Variants in GALNT16 observed in about 807,000 individuals in gnomAD.
GALNT16 encodes UDP-GalNAc:polypeptide N-acetylgalactosaminyltransferase-like protein 1.
A neutral mutation model predicts 76.1 loss-of-function variants in GALNT16; 40 were observed. The observed-to-expected ratio is 0.53, with a 90% CI of 0.41 to 0.68. GALNT16 has a LOEUF of 0.68. Among genes scored for constraint, GALNT16 ranks in the 30% least tolerant of loss-of-function variants. The pLI, the probability that GALNT16 is intolerant of heterozygous loss-of-function variation, is 0.00. For synonymous variants in GALNT16, 276 were observed against 285.2 expected (o/e 0.97, Z 0.32); for missense variants, 621 against 731.9 (o/e 0.85, Z 1.75).
At chr14:69,294,601 C>T (rs1224987445) in intron 1 of GALNT16, among the ~76,000 whole-genome samples, 2 of 152,150 alleles carry the variant, frequency 1.3e-5, no homozygotes, top group Non-Finnish European at 2.9e-5. Flanking sequence ...CATACAGTCA[C>T]TTCCCCTTCC....
intron 1 of GALNT16, among the ~76,000 whole-genome samples, chr14:69,314,175 G>A (rs919499830): frequency 6.6e-6 from 1 of 152,222 alleles, no homozygotes. Context: ...GGCAGACAAC[G>A]TATATAATAA....
chr14:69,341,501 G>C (rs1171535786), intron 11 of GALNT16, among the ~76,000 whole-genome samples, 180 bp from the exon 12 acceptor site: 1 of 152,224 alleles, frequency 6.6e-6, no homozygotes, highest in Non-Finnish European at 1.5e-5. Flanking sequence ...GACCTGCCTT[G>C]AGCTTGCAAG....
At chr14:69,360,268 A>G (rs2045716137), downstream of GALNT16, among the ~76,000 whole-genome samples, 1 of 151,604 alleles carries the variant, frequency 6.6e-6, no homozygotes, top group Admixed American at 6.6e-5. Flanking sequence ...CGGGAGGATC[A>G]CTTGATCCCA....
At chr14:69,262,048 A>G (rs1428458954) in intron 1 of GALNT16, among the ~76,000 whole-genome samples, 5 of 152,236 alleles carry the variant, frequency 3.3e-5, no homozygotes. Flanking sequence ...AGTGGCCTCC[A>G]GACCCCAGGG....
chr14:69,374,929 A>C, the GALNT16 span, among the ~76,000 whole-genome samples: 490 of 152,294 alleles, frequency 3.2e-3, 4 homozygotes, highest in African/African-American at 0.011. Flanking sequence ...CATGATAACT[A>C]ACTCACTCCT....
intron 7 of GALNT16, chr14:69,332,403 GC>G (rs2045362365): frequency 6.6e-6 from 1 of 152,664 alleles, no homozygotes; most frequent in Non-Finnish European, 1.5e-5. Context: ...AACTGTACTA[GC>G]CACATTTCAA....
intron 2 of GALNT16, among the ~76,000 whole-genome samples, chr14:69,322,472 G>T (rs192158208): frequency 2.0e-5 from 3 of 152,222 alleles, no homozygotes; most frequent in Admixed American, 6.5e-5. Flanking sequence ...ACCGCCTCAG[G>T]TGCTCACTGA....
chr14:69,359,079 G>A (rs2045709144), downstream of GALNT16: 1 of 152,264 alleles, frequency 6.6e-6, no homozygotes, highest in African/African-American at 2.4e-5. Context: ...TGCTTCTTCA[G>A]GGTGCTGAGC....
chr14:69,275,375 A>C (rs2044458842), intron 1 of GALNT16, among the ~76,000 whole-genome samples: 1 of 152,228 alleles, frequency 6.6e-6, no homozygotes, highest in South Asian at 2.1e-4. Context: ...TGATCAGTAT[A>C]TATATATATC....
chr14:69,367,122 C>T, the GALNT16 span, among the ~76,000 whole-genome samples: 6 of 151,944 alleles, frequency 3.9e-5, no homozygotes, highest in Non-Finnish European at 8.8e-5. Flanking sequence ...AAGTGTGGTC[C>T]GTACAGGGAA....
intron 1 of GALNT16, among the ~76,000 whole-genome samples, chr14:69,265,116 A>G (rs2044326610): frequency 6.6e-6 from 1 of 152,112 alleles, no homozygotes; most frequent in African/African-American, 2.4e-5. Context: ...GCGCCCAGCC[A>G]AAAATGTTCA....
chr14:69,266,688 A>G (rs927798598), intron 1 of GALNT16, among the ~76,000 whole-genome samples: 3 of 152,174 alleles, frequency 2.0e-5, no homozygotes, highest in Non-Finnish European at 2.9e-5. Context: ...CCGTTGGCCC[A>G]TAAGTGCTCC....
intron 1 of GALNT16, among the ~76,000 whole-genome samples, chr14:69,297,960 C>G (rs958192579): frequency 6.6e-6 from 1 of 152,216 alleles, no homozygotes; most frequent in Admixed American, 6.5e-5. Context: ...GTACTGTACT[C>G]ACCCCTATTT....
intron 1 of GALNT16, among the ~76,000 whole-genome samples, chr14:69,294,268 C>G (rs549253675): frequency 1.3e-5 from 2 of 152,178 alleles, no homozygotes; most frequent in Non-Finnish European, 2.9e-5. Flanking sequence ...ATTACAGGTG[C>G]GTGCCACTGC....
In GALNT16 at chr14:69,333,039, C is replaced by A; in HGVS notation, c.779-46C>A. 7.2e-7 allele frequency: 1 copy of A among 1,390,446 alleles called. No individual in the cohort carries two copies. Among genetic ancestry groups the A allele is most frequent in the South Asian group, 1.2e-5 (1 of 86,584 alleles). 86.1% of individuals were successfully genotyped at this position (1,390,446 alleles called of 1,614,324 possible). A position where few individuals can be genotyped will look rare whatever the true frequency, so the allele number is the denominator to read the frequency against. ...GGTGGAGTGAAGGGTCTCAGCAGCC[C>A]GCAGCTCTGCCCTGAGCTCTGTCCT... On this transcript the variant is annotated intron_variant, in intron 7 of 14. Transcript: ENST00000448469. This position sits in a 1 kb window ranked among gnomAD's most constrained non-coding sequence, Gnocchi z 4.2.
chr14:69,341,634 C>T, intron 11 of GALNT16, 47 bp from the exon 12 acceptor site: 1 of 1,321,328 alleles, frequency 7.6e-7, no homozygotes. Context: ...CCTCGGGCTG[C>T]CTTCCACACT....
chr14:69,300,030 C>T (rs542079044), intron 1 of GALNT16, among the ~76,000 whole-genome samples: 37 of 152,322 alleles, frequency 2.4e-4, no homozygotes, highest in Non-Finnish European at 4.3e-4. Flanking sequence ...AGCCCATCAG[C>T]GGCTGCTTTT....
At chr14:69,276,202 A>C (rs563034542) in intron 1 of GALNT16, among the ~76,000 whole-genome samples, 58 of 152,286 alleles carry the variant, frequency 3.8e-4, no homozygotes, top group African/African-American at 1.4e-3. Flanking sequence ...ACACAGCCAA[A>C]TCATATCATC....
chr14:69,265,051 G>C (rs1346750147), intron 1 of GALNT16, among the ~76,000 whole-genome samples: 4 of 152,100 alleles, frequency 2.6e-5, no homozygotes, highest in Admixed American at 6.5e-5. Flanking sequence ...CTGGACTCAA[G>C]GGGATCCTCC....
Sources: allele counts gnomAD v4.1 joint callset (sites outside exome capture counted in the v4.1 genomes callset), GRCh38; gene constraint gnomAD v4.1.1; non-coding constraint Gnocchi (gnomAD v3.1); transcripts MANE v1.5; gene names NCBI Gene and HGNC (gene_info 2026-07-23, HGNC 2026-07-21).